Variants in NLGN1 observed in about 807,000 individuals in gnomAD.
NLGN1 encodes the protein neuroligin 1.
NLGN1 carries 12 observed loss-of-function variants against 65.5 expected under a neutral mutation model. The ratio of observed to expected loss-of-function variants is 0.18; its 90% CI spans 0.12 to 0.30. The LOEUF (loss-of-function observed/expected upper bound fraction) is 0.30, where lower values mean the gene tolerates loss of function less well. Among genes scored for constraint, NLGN1 ranks in the 10% least tolerant of loss-of-function variants. The pLI, the probability that NLGN1 is intolerant of heterozygous loss-of-function variation, is 1.00. For synonymous variants in NLGN1, 350 were observed against 359.5 expected, an observed-to-expected ratio of 0.97 and a Z score of 0.30; for missense variants, 750 against 1,007.1, an observed-to-expected ratio of 0.74 and a Z score of 3.46.
chr3:173,575,068 A>T (rs915808521), intron 2 of NLGN1, among the ~76,000 whole-genome samples: 1 of 152,150 alleles, frequency 6.6e-6, no homozygotes, highest in African/African-American at 2.4e-5. Context: ...AAAAATTTGC[A>T]TAGAGACAGA....
intron 3 of NLGN1, among the ~76,000 whole-genome samples, chr3:173,760,081 G>A (rs1777744047): frequency 6.6e-6 from 1 of 151,930 alleles, no homozygotes; most frequent in Non-Finnish European, 1.5e-5. Flanking sequence ...AACCATGTGT[G>A]CTTCTCTGCA....
In NLGN1 at chr3:173,889,988, GGTGT is replaced by G. The variant is rs140428383; in HGVS notation, c.646+82177_646+82180del. 3.5e-4 allele frequency among the ~76,000 whole-genome samples: 51 copies of G among 147,714 alleles called. No individual in the cohort carries two copies. In the East Asian group the frequency reaches 6.7e-3, roughly 19 times the overall value. On this transcript the variant is annotated intron_variant, in intron 4 of 6. Coordinates refer to ENST00000457714, the Ensembl canonical transcript of NLGN1. ...GCCTTCTCTTTTGTGTATGTATGAG[GGTGT>G]GTGTGTGTGTGTGTGTGTGTTTAAT...
intron 4 of NLGN1, among the ~76,000 whole-genome samples, chr3:173,994,500 A>AGAGC (rs1721870240): frequency 7.2e-6 from 1 of 139,802 alleles, no homozygotes; most frequent in African/African-American, 2.6e-5. Context: ...AAAGAGAGAG[A>AGAGC]GAGAGCCTAA....
rs11918283 is a variant in NLGN1, at chr3:173,747,807, T to C, written c.494-59873T>C. On this transcript the variant is annotated intron_variant, in intron 3 of 6. Coordinates refer to ENST00000457714, the Ensembl canonical transcript of NLGN1. ...CTTTCTTCTTCTTCTTGTTCTTTTT[T>C]TTTTTTTTTTTTTTTTTTTTTTTTG... is the stretch of plus-strand genomic sequence containing the variant. Among the ~76,000 whole-genome samples the C allele has an allele frequency of 1.1e-3, 115 of 106,172 alleles. 1 individual carries two copies. The highest frequency in any genetic ancestry group is 2.6e-3 in the East Asian group (9 of 3,404). The allele number at this position is 106,172 out of a possible 152,430, so 69.7% of individuals were successfully genotyped here. A position where few individuals can be genotyped will look rare whatever the true frequency, so the allele number is the denominator to read the frequency against.
intron 4 of NLGN1, among the ~76,000 whole-genome samples, chr3:173,844,379 A>G (rs571269907): frequency 2.6e-5 from 4 of 152,252 alleles, no homozygotes; most frequent in Non-Finnish European, 5.9e-5. Context: ...GTTTTTATTT[A>G]TTGGTAGAAT....
At chr3:173,986,148 C>G (rs905120877) in intron 4 of NLGN1, among the ~76,000 whole-genome samples, 1 of 151,932 alleles carries the variant, frequency 6.6e-6, no homozygotes, top group Non-Finnish European at 1.5e-5. Context: ...GATCCATAAT[C>G]CAATATGACT....
At chr3:173,545,284 G>C (rs1296314053) in intron 2 of NLGN1, among the ~76,000 whole-genome samples, 1 of 151,988 alleles carries the variant, frequency 6.6e-6, no homozygotes, top group Non-Finnish European at 1.5e-5. Flanking sequence ...GTGTTGGTCA[G>C]GGTGGTCTCA....
intron 4 of NLGN1, among the ~76,000 whole-genome samples, chr3:174,107,908 G>A (rs767492380): frequency 3.3e-5 from 5 of 151,992 alleles, no homozygotes; most frequent in South Asian, 2.1e-4. Context: ...TTTTATGTGC[G>A]TATTTGCTAT....
intron 4 of NLGN1, among the ~76,000 whole-genome samples, chr3:174,115,327 T>A (rs1716157666): frequency 6.6e-6 from 1 of 152,124 alleles, no homozygotes; most frequent in South Asian, 2.1e-4. Context: ...GACTGATACT[T>A]AAGCACAATA....
chr3:173,904,227 A>G (rs1179394504), intron 4 of NLGN1, among the ~76,000 whole-genome samples: 1 of 152,098 alleles, frequency 6.6e-6, no homozygotes, highest in East Asian at 1.9e-4. Flanking sequence ...TATGATGTAA[A>G]TATCTCCCTT....
intron 4 of NLGN1, among the ~76,000 whole-genome samples, chr3:174,045,656 A>G (rs920024534): frequency 6.6e-6 from 1 of 152,296 alleles, no homozygotes; most frequent in African/African-American, 2.4e-5. Flanking sequence ...GAAAATAAGC[A>G]TATTTGATTC....
intron 4 of NLGN1, among the ~76,000 whole-genome samples, chr3:173,915,733 G>T (rs760070239): frequency 1.3e-5 from 2 of 152,050 alleles, no homozygotes; most frequent in African/African-American, 4.8e-5. Flanking sequence ...TTCTATAATC[G>T]TTCTTGTCAT....
At chr3:173,996,081 T>G (rs974785887) in intron 4 of NLGN1, among the ~76,000 whole-genome samples, 10 of 152,190 alleles carry the variant, frequency 6.6e-5, no homozygotes, top group African/African-American at 2.4e-4. Context: ...AGTATCAGTC[T>G]AAGCATTAAT....
At chr3:174,265,454 C>CA in intron 4 of NLGN1, among the ~76,000 whole-genome samples, 1 of 152,082 alleles carries the variant, frequency 6.6e-6, no homozygotes, top group Non-Finnish European at 1.5e-5. Flanking sequence ...CAGGTGCGTC[C>CA]GTCACCCCTT....
At chr3:173,925,924 A>G (rs1023345183) in intron 4 of NLGN1, among the ~76,000 whole-genome samples, 1 of 152,072 alleles carries the variant, frequency 6.6e-6, no homozygotes, top group Non-Finnish European at 1.5e-5. Flanking sequence ...CACTCCAATT[A>G]GAAAGCAAAG....
chr3:173,868,507 T>C (rs78961662), intron 4 of NLGN1, among the ~76,000 whole-genome samples: 3 of 152,278 alleles, frequency 2.0e-5, no homozygotes, highest in East Asian at 1.9e-4. Context: ...TATTCATTCA[T>C]TGGTGAATAA....
intron 4 of NLGN1, among the ~76,000 whole-genome samples, chr3:174,073,310 T>C (rs1435490140): frequency 6.6e-6 from 1 of 152,192 alleles, no homozygotes; most frequent in Non-Finnish European, 1.5e-5. Context: ...TTAGTTTATA[T>C]TTAATTAAGA....
At chr3:173,506,342 G>C (rs2149078944) in intron 2 of NLGN1, among the ~76,000 whole-genome samples, 1 of 152,092 alleles carries the variant, frequency 6.6e-6, no homozygotes, top group Non-Finnish European at 1.5e-5. Context: ...GCAACTCTTA[G>C]ATTTAACTGA....
intron 4 of NLGN1, among the ~76,000 whole-genome samples, chr3:174,259,923 G>T: frequency 7.0e-6 from 1 of 142,216 alleles, no homozygotes; most frequent in Non-Finnish European, 1.5e-5. Context: ...CTATGAGTGA[G>T]AATATACGGT....
Sources: allele counts gnomAD v4.1 joint callset (sites outside exome capture counted in the v4.1 genomes callset), GRCh38; gene constraint gnomAD v4.1.1; transcripts MANE v1.5; gene names NCBI Gene and HGNC (gene_info 2026-07-23, HGNC 2026-07-21).